Variants in PRKN observed in about 807,000 individuals in gnomAD.
The protein encoded by PRKN is parkin RBR E3 ubiquitin protein ligase.
Under a neutral mutation model 59.5 loss-of-function variants are expected in PRKN, and 56 were observed. The observed-to-expected ratio is 0.94, with a 90% CI of 0.76 to 1.18. The LOEUF (loss-of-function observed/expected upper bound fraction) is 1.18. Among genes scored for constraint, PRKN ranks in the 50% most tolerant of loss-of-function variants. The pLI, the probability that PRKN is intolerant of heterozygous loss-of-function variation, is 0.00. For missense variants in PRKN, 657 were observed against 596.4 expected, an observed-to-expected ratio of 1.10 and a Z score of -1.06; for synonymous variants, 250 against 222.1, an observed-to-expected ratio of 1.13 and a Z score of -1.12.
rs150009334 is a variant in PRKN, at chr6:161,884,129, C to A, written c.734+89173G>T. Among the ~76,000 whole-genome samples the A allele has an allele frequency of 6.9e-3, 1,058 of 152,262 alleles. 6 individuals are homozygous for A. The highest frequency in any genetic ancestry group is 0.011 in the Non-Finnish European group (757 of 68,010). On this transcript the variant is annotated intron_variant, in intron 6 of 11. Coordinates refer to ENST00000366898, the MANE Select transcript of PRKN (RefSeq NM_004562.3). Reference sequence around the variant, plus strand: ...TGGTTATTTCTGGTTGTACAGCCTTCTAGGGTTTATTTACCACGTGGACAC... The same window carrying A: ...TGGTTATTTCTGGTTGTACAGCCTTATAGGGTTTATTTACCACGTGGACAC...
intron 5 of PRKN, among the ~76,000 whole-genome samples, chr6:162,044,837 C>A (rs1784193130): frequency 1.3e-5 from 2 of 152,190 alleles, no homozygotes; most frequent in South Asian, 2.1e-4. Context: ...GTTTTCTGAA[C>A]TCCATAAGCA....
rs577752560 is a variant in PRKN, at chr6:161,419,928, T to C, written c.1084-33051A>G. Among the ~76,000 whole-genome samples, 1 of 151,966 alleles carries C rather than the reference T, an allele frequency of 6.6e-6. No homozygotes were observed. The highest frequency in any genetic ancestry group is 2.1e-4 in the South Asian group (1 of 4,814). On this transcript the variant is annotated intron_variant, in intron 9 of 11. Transcript: ENST00000366898. This position sits in a 1 kb window ranked among gnomAD's most constrained non-coding sequence, Gnocchi z 4.1. ...AGTTCCTAGCACTGCGCCTGGCACG[T>C]AAAAGGCACTTGTTTAAGAACTTGA...
rs577162169 is a variant in PRKN at position 162,259,446 on chromosome 6, G to A, written c.412+3079C>T. ...TGGTCACAGAAAAAGAATGAAAGAA[G>A]ATTTTTTTTCTCGCCATTCTGGCCA... On this transcript the variant is annotated intron_variant, in intron 3 of 11. Coordinates refer to ENST00000366898, the MANE Select transcript of PRKN (RefSeq NM_004562.3). 6.6e-4 allele frequency among the ~76,000 whole-genome samples: 100 copies of A among 151,956 alleles called. 2 individuals carry two copies. The South Asian group carries it at 0.019, about 29-fold the overall frequency.
At chr6:161,906,485 G>C (rs987175750) in intron 6 of PRKN, among the ~76,000 whole-genome samples, 1 of 151,918 alleles carries the variant, frequency 6.6e-6, no homozygotes, top group Non-Finnish European at 1.5e-5. Flanking sequence ...TCTGGCCAAG[G>C]AGAAGCCACT....
At chr6:161,988,881 T>C (rs1188785934) in intron 5 of PRKN, among the ~76,000 whole-genome samples, 1 of 152,256 alleles carries the variant, frequency 6.6e-6, no homozygotes, top group African/African-American at 2.4e-5. Flanking sequence ...ATCAAATTTA[T>C]GGTAGCTGTC....
chr6:162,140,911 A>G (rs1781750965), intron 4 of PRKN, among the ~76,000 whole-genome samples: 1 of 152,098 alleles, frequency 6.6e-6, no homozygotes, highest in Admixed American at 6.6e-5. Flanking sequence ...GGCAGATCAC[A>G]ACATCAGGAG....
intron 7 of PRKN, among the ~76,000 whole-genome samples, chr6:161,648,194 C>T (rs75054124): frequency 0.02 from 3,046 of 152,192 alleles, 90 homozygotes; most frequent in African/African-American, 0.07. Context: ...GTAGTTTTGC[C>T]TTATTATTTT....
At chr6:161,989,233 CACTT>C (rs1781552131) in intron 5 of PRKN, among the ~76,000 whole-genome samples, 1 of 151,764 alleles carries the variant, frequency 6.6e-6, no homozygotes, top group Admixed American at 6.6e-5. Flanking sequence ...TTGAAATAAA[CACTT>C]ACTCCTTTCT....
At chr6:161,640,399 G>A (rs1783695701) in intron 7 of PRKN, among the ~76,000 whole-genome samples, 1 of 152,126 alleles carries the variant, frequency 6.6e-6, no homozygotes, top group South Asian at 2.1e-4. Context: ...ACTCACTGGG[G>A]TAGTCTTGGA....
At chr6:161,912,798 G>A (rs1778413130) in intron 6 of PRKN, among the ~76,000 whole-genome samples, 1 of 152,068 alleles carries the variant, frequency 6.6e-6, no homozygotes, top group African/African-American at 2.4e-5. Flanking sequence ...ACTCATACAG[G>A]AAGAGCACCA....
At chr6:162,708,677 AT>A (rs1778418526) in intron 1 of PRKN, among the ~76,000 whole-genome samples, 1 of 152,158 alleles carries the variant, frequency 6.6e-6, no homozygotes, top group South Asian at 2.1e-4. Flanking sequence ...TTTGTTACTC[AT>A]TTTCGACCAC....
At chr6:161,701,692 C>A (rs1360190807) in intron 7 of PRKN, among the ~76,000 whole-genome samples, 1 of 152,124 alleles carries the variant, frequency 6.6e-6, no homozygotes, top group African/African-American at 2.4e-5. Context: ...AAAATACGTC[C>A]AAATTCTGTC....
intron 1 of PRKN, among the ~76,000 whole-genome samples, chr6:162,491,453 C>T (rs1014793390): frequency 1.3e-5 from 2 of 152,168 alleles, no homozygotes; most frequent in African/African-American, 4.8e-5. Context: ...TGCGTGACGA[C>T]GTCACCCTAC....
Position 162,389,942 on chromosome 6 carries a change from T to C in PRKN, c.171+53368A>G, listed in dbSNP as rs71567646. 4.0e-3 allele frequency among the ~76,000 whole-genome samples: 613 copies of C among 152,328 alleles called. 7 individuals are homozygous for C. Among genetic ancestry groups the C allele is most frequent in the Non-Finnish European group, 4.4e-3 (298 of 68,028 alleles). On this transcript the variant is annotated intron_variant, in intron 2 of 11. Coordinates refer to ENST00000366898, the MANE Select transcript of PRKN (RefSeq NM_004562.3). ...TGGCCTTTGCCTGTCTAATTTTGGC[T>C]AGTTGCATAAGATTCTCACTTAGTG...
chr6:162,093,191 C>T (rs142392916), intron 4 of PRKN, among the ~76,000 whole-genome samples: 14 of 152,310 alleles, frequency 9.2e-5, no homozygotes, highest in South Asian at 4.1e-4. Flanking sequence ...AGATTAAATC[C>T]TTCCAGATAG....
At chr6:162,103,455 C>A (rs551522964) in intron 4 of PRKN, among the ~76,000 whole-genome samples, 1 of 152,040 alleles carries the variant, frequency 6.6e-6, no homozygotes, top group South Asian at 2.1e-4. Flanking sequence ...ATAATACGGA[C>A]GCAATGACTT....
Position 162,111,294 on chromosome 6 carries a change from T to G in PRKN, c.535-57120A>C, listed in dbSNP as rs547928507. Among the ~76,000 whole-genome samples the G allele has an allele frequency of 2.0e-5, 3 of 152,002 alleles. No individual in the cohort carries two copies. The South Asian group carries it at 6.3e-4, about 32-fold the overall frequency. On this transcript the variant is annotated intron_variant, in intron 4 of 11. Coordinates refer to ENST00000366898, the MANE Select transcript of PRKN (RefSeq NM_004562.3). ...TCCCGGCTAACACAGTGAAACCCCG[T>G]CTCTACTAAAAATACAAAAAATTAC... is the stretch of plus-strand genomic sequence containing the variant.
intron 7 of PRKN, among the ~76,000 whole-genome samples, chr6:161,753,743 T>C (rs765045890): frequency 2.0e-5 from 3 of 152,146 alleles, no homozygotes; most frequent in East Asian, 3.9e-4. Context: ...AATTCTCTCC[T>C]GGTAATGGGA....
In PRKN at chr6:161,497,688, C is replaced by G. The variant is rs114422012; in HGVS notation, c.1083+51166G>C. Among the ~76,000 whole-genome samples, 381 of 152,218 alleles carry G rather than the reference C, an allele frequency of 2.5e-3. 3 individuals are homozygous for G. The highest frequency in any genetic ancestry group is 8.8e-3 in the African/African-American group (365 of 41,530). On this transcript the variant is annotated intron_variant, in intron 9 of 11. Coordinates refer to ENST00000366898, the MANE Select transcript of PRKN (RefSeq NM_004562.3). The surrounding 1 kb of genome is among the most constrained non-coding windows in gnomAD (Gnocchi z 4.6). ...TTTCCCTTTCAATTCAGAAGGCTAA[C>G]TCTAGCTCAATTATCTCTTCCTTTT...
Sources: allele counts gnomAD v4.1 joint callset (sites outside exome capture counted in the v4.1 genomes callset), GRCh38; gene constraint gnomAD v4.1.1; non-coding constraint Gnocchi (gnomAD v3.1); transcripts MANE v1.5; gene names NCBI Gene and HGNC (gene_info 2026-07-23, HGNC 2026-07-21).